The following BEND7 variants were observed in gnomAD, a reference collection of about 807,000 sequenced individuals.
BEND7 encodes the protein BEN domain containing 7.
A neutral mutation model predicts 50.9 loss-of-function variants in BEND7; 28 were observed. The ratio of observed to expected loss-of-function variants is 0.55; its 90% CI spans 0.41 to 0.75. The LOEUF is 0.75. Among genes scored for constraint, BEND7 ranks in the 30% least tolerant of loss-of-function variants. The probability of loss-of-function intolerance (pLI) is 0.00; values close to 1 mark genes in which losing one functional copy is unlikely to be tolerated. For synonymous variants in BEND7, 170 were observed against 183.9 expected, an observed-to-expected ratio of 0.92 and a Z score of 0.61; for missense variants, 477 against 491.3, an observed-to-expected ratio of 0.97 and a Z score of 0.28.
intron 6 of BEND7, among the ~76,000 whole-genome samples, chr10:13,475,202 C>G (rs2075337437): frequency 6.6e-6 from 1 of 152,208 alleles, no homozygotes; most frequent in African/African-American, 2.4e-5. Flanking sequence ...GTTACAAATA[C>G]AGCCAAGAGG....
At position 13,516,555 on chromosome 10, in the gene BEND7, G is replaced by A. The variant is rs373768009; in HGVS notation, c.145+9583C>T. Among the ~76,000 whole-genome samples, 776 of 152,180 alleles carry A rather than the reference G, an allele frequency of 5.1e-3. 1 individual carries two copies. Among genetic ancestry groups the A allele is most frequent in the South Asian group, 0.015 (72 of 4,804 alleles). On this transcript the variant is annotated intron_variant, in intron 2 of 8. Transcript: ENST00000466271. ...TGCCTGGCCAACATGGTGAAACCCC[G>A]TCTCCACTAAAAATACAAAAACTAG... is the stretch of plus-strand genomic sequence containing the variant.
intron 6 of BEND7, among the ~76,000 whole-genome samples, chr10:13,462,919 A>G (rs2073854246): frequency 6.6e-6 from 1 of 152,264 alleles, no homozygotes; most frequent in Non-Finnish European, 1.5e-5. Flanking sequence ...CAGATGATCT[A>G]CAGAAGAACA....
In BEND7 at chr10:13,525,318, C is replaced by T. The variant is rs116910125; in HGVS notation, c.145+820G>A. On this transcript the variant is annotated intron_variant, in intron 2 of 8. Coordinates refer to ENST00000466271, the MANE Select transcript of BEND7 (RefSeq NM_001369863.1). The stretch of plus-strand genomic sequence containing the variant: ...AAAAAACTGCACATCCAAAGTCTTT[C>T]CTGTACAGTATTTGCACCAACACTG... Among the ~76,000 whole-genome samples, 224 of 152,292 alleles carry T rather than the reference C, an allele frequency of 1.5e-3. 7 individuals carry two copies. The South Asian group carries it at 0.037, about 25-fold the overall frequency.
Position 13,494,282 on chromosome 10 carries a change from T to G in BEND7, c.572-1406A>C, listed in dbSNP as rs570646600. Among the ~76,000 whole-genome samples the G allele has an allele frequency of 1.1e-4, 16 of 152,288 alleles. No homozygotes were observed. The East Asian group carries it at 1.7e-3, about 17-fold the overall frequency. On this transcript the variant is annotated intron_variant, in intron 4 of 8. Transcript: ENST00000466271. ...AAATACAAAAATTAGCTGGGCATGG[T>G]GGTGGGCACCTGTAGTCCCAGCTAC...
chr10:13,440,479 C>T (rs944189019), downstream of BEND7, among the ~76,000 whole-genome samples: 4 of 152,250 alleles, frequency 2.6e-5, no homozygotes, highest in Admixed American at 6.5e-5. Context: ...CCCTACCCGC[C>T]CGCCTCTCCT....
chr10:13,438,973 C>G (rs1295635429), downstream of BEND7: 2 of 571,734 alleles, frequency 3.5e-6, no homozygotes, highest in African/African-American at 1.9e-5. Context: ...GACTCACTGT[C>G]GTCAGAATGA....
chr10:13,450,996 T>A (rs1336176856), intron 7 of BEND7, among the ~76,000 whole-genome samples: 1 of 151,824 alleles, frequency 6.6e-6, no homozygotes, highest in Non-Finnish European at 1.5e-5. Context: ...GGGAAGGGAA[T>A]AGAGACCAGA....
intron 8 of BEND7, chr10:13,442,928 T>A (rs1835555890): frequency 6.6e-6 from 1 of 152,246 alleles, no homozygotes; most frequent in African/African-American, 2.4e-5. Flanking sequence ...TAATTAATCT[T>A]GGCCTTCACA....
chr10:13,526,272 G>T, intron 1 of BEND7, 51 bp from the exon 2 acceptor site: 1 of 920,686 alleles, frequency 1.1e-6, no homozygotes, highest in South Asian at 1.5e-5. Flanking sequence ...CTCAAGATAG[G>T]AATAAGCAGT....
chr10:13,445,297 T>G (rs1836072534), intron 8 of BEND7: 1 of 152,234 alleles, frequency 6.6e-6, no homozygotes, highest in Non-Finnish European at 1.5e-5. Context: ...GAGTTTCAGC[T>G]GCAGTGAACC....
chr10:13,440,476 C>T (rs1210929064), downstream of BEND7, among the ~76,000 whole-genome samples: 1 of 152,222 alleles, frequency 6.6e-6, no homozygotes, highest in African/African-American at 2.4e-5. Flanking sequence ...TGCCCCTACC[C>T]GCCCGCCTCT....
At chr10:13,448,280 CAT>C (rs1380820198) in intron 7 of BEND7, among the ~76,000 whole-genome samples, 2 of 152,156 alleles carry the variant, frequency 1.3e-5, no homozygotes, top group Non-Finnish European at 2.9e-5. Context: ...TTTCCCGTAA[CAT>C]GTGGGGATGG....
intron 5 of BEND7, among the ~76,000 whole-genome samples, chr10:13,487,388 CTTT>C (rs930230162): frequency 1.6e-5 from 2 of 122,838 alleles, no homozygotes; most frequent in Admixed American, 7.8e-5. Context: ...CTTTTCTTTT[CTTT>C]TTTTTTTTTT....
chr10:13,458,570 G>C (rs545531897), intron 6 of BEND7, among the ~76,000 whole-genome samples: 1 of 152,366 alleles, frequency 6.6e-6, no homozygotes, highest in East Asian at 1.9e-4. Context: ...CAGCTTCAGA[G>C]TTGATGATTC....
At chr10:13,516,010 CTCAA>C (rs1018020896) in intron 2 of BEND7, among the ~76,000 whole-genome samples, 3 of 152,200 alleles carry the variant, frequency 2.0e-5, no homozygotes, top group Admixed American at 1.3e-4. Flanking sequence ...ACGGCCTCAT[CTCAA>C]TCAATCGTCT....
chr10:13,510,728 AATAAAT>A (rs2078216114), intron 2 of BEND7, among the ~76,000 whole-genome samples: 2 of 152,224 alleles, frequency 1.3e-5, no homozygotes, highest in Admixed American at 6.5e-5. Context: ...ATATGGATGA[AATAAAT>A]AAAGATTAGG....
chr10:13,453,696 T>C (rs1379679407), intron 6 of BEND7, among the ~76,000 whole-genome samples: 1 of 152,166 alleles, frequency 6.6e-6, no homozygotes, highest in Non-Finnish European at 1.5e-5. Flanking sequence ...AAATGTTCCA[T>C]TAATATGTTA....
intron 5 of BEND7, among the ~76,000 whole-genome samples, chr10:13,481,611 C>T (rs969623996): frequency 1.2e-4 from 19 of 152,222 alleles, no homozygotes; most frequent in Admixed American, 1.3e-4. Flanking sequence ...ACCCAGAAGG[C>T]CCCTGGCTCC....
intron 7 of BEND7, among the ~76,000 whole-genome samples, chr10:13,447,729 G>A (rs1836725376): frequency 6.6e-6 from 1 of 151,858 alleles, no homozygotes; most frequent in Non-Finnish European, 1.5e-5. Flanking sequence ...ATTTTTAGTA[G>A]AGGCGGGGTT....
Sources: gnomAD v4.1 joint callset for allele counts (sites outside exome capture counted in the v4.1 genomes callset) on GRCh38, gnomAD v4.1.1 for gene constraint, MANE v1.5 for transcripts, NCBI Gene and HGNC (gene_info 2026-07-23, HGNC 2026-07-21) for gene names.